Variants in ATP9B observed in about 807,000 individuals in gnomAD.
ATP9B encodes ATPase phospholipid transporting 9B, also known as probable phospholipid-transporting ATPase IIB.
In ATP9B, 110 loss-of-function variants were observed where a neutral mutation model predicts 146.1. The observed-to-expected ratio is 0.75, with a 90% CI of 0.65 to 0.88. The LOEUF (loss-of-function observed/expected upper bound fraction) is 0.88, where lower values mean the gene tolerates loss of function less well. Ranked by LOEUF, ATP9B falls within the 40% of genes least tolerant of loss-of-function variation. The pLI, the probability that ATP9B is intolerant of heterozygous loss-of-function variation, is 0.00. For synonymous variants in ATP9B, 604 were observed against 569.7 expected, an observed-to-expected ratio of 1.06 and a Z score of -0.86; for missense variants, 1,499 against 1,496.4, an observed-to-expected ratio of 1.00 and a Z score of -0.03.
chr18:79,070,192 AAAG>A (rs1225395496), intron 1 of ATP9B, among the ~76,000 whole-genome samples: 5 of 152,242 alleles, frequency 3.3e-5, no homozygotes, highest in African/African-American at 9.6e-5. Context: ...CATTCAAAGA[AAAG>A]AAAATTTTAA....
At chr18:79,333,050 G>C (rs1457886529) in intron 17 of ATP9B, 1 of 152,262 alleles carries the variant, frequency 6.6e-6, no homozygotes, top group East Asian at 1.9e-4. Context: ...TTGATCAGCA[G>C]ATACAGTACA....
At chr18:79,351,471 A>G (rs1392052575) in intron 25 of ATP9B, among the ~76,000 whole-genome samples, 1 of 152,246 alleles carries the variant, frequency 6.6e-6, no homozygotes, top group Non-Finnish European at 1.5e-5. Flanking sequence ...GCCTTTAGTT[A>G]AGCTTCTTTG....
At chr18:79,124,185 C>T (rs572416) in intron 4 of ATP9B, among the ~76,000 whole-genome samples, 9,526 of 152,084 alleles carry the variant, frequency 0.063, 374 homozygotes, top group Non-Finnish European at 0.092. Context: ...TGAGTCATTG[C>T]CAGGGCCTAG....
At chr18:79,159,775 C>T (rs2094850349) in intron 7 of ATP9B, among the ~76,000 whole-genome samples, 1 of 152,152 alleles carries the variant, frequency 6.6e-6, no homozygotes, top group African/African-American at 2.4e-5. Context: ...AGATGTTTTT[C>T]GTCATGACCT....
chr18:79,313,818 A>G (rs2096665383), intron 15 of ATP9B, among the ~76,000 whole-genome samples: 1 of 152,236 alleles, frequency 6.6e-6, no homozygotes, highest in African/African-American at 2.4e-5. Flanking sequence ...ATGATAAAAA[A>G]TAGCAGAACA....
intron 25 of ATP9B, chr18:79,352,339 G>T (rs865786581): frequency 5.3e-5 from 8 of 152,212 alleles, no homozygotes; most frequent in South Asian, 2.1e-4. Context: ...GCACAGGCAG[G>T]TCCCTCGGGG....
At chr18:79,073,553 G>A (rs2072225085) in intron 1 of ATP9B, among the ~76,000 whole-genome samples, 1 of 152,230 alleles carries the variant, frequency 6.6e-6, no homozygotes, top group Admixed American at 6.5e-5. Context: ...AGGCAGGGAG[G>A]TTGCAGTGAG....
At chr18:79,336,881 A>G (rs1438990328) in intron 18 of ATP9B, among the ~76,000 whole-genome samples, 170 bp downstream of exon 18, 4 of 152,184 alleles carry the variant, frequency 2.6e-5, no homozygotes, top group Admixed American at 6.5e-5. Context: ...TTCTGTTTCC[A>G]CCATTTCTCC....
chr18:79,154,337 G>A (rs1039929771), intron 6 of ATP9B, among the ~76,000 whole-genome samples, 167 bp from the exon 7 acceptor site: 1 of 152,038 alleles, frequency 6.6e-6, no homozygotes, highest in Non-Finnish European at 1.5e-5. Context: ...CAATTAAAAT[G>A]TGAATTAAAA....
chr18:79,243,297 A>G (rs921339129), intron 11 of ATP9B, among the ~76,000 whole-genome samples: 1 of 152,226 alleles, frequency 6.6e-6, no homozygotes, highest in African/African-American at 2.4e-5. Flanking sequence ...TAATATAATT[A>G]TAAATAGGTG....
rs71161762 is a variant in ATP9B at position 79,206,623 on chromosome 18, C to CATAAATAAATAA, written c.955-286_955-275dup. Reference sequence around the variant, plus strand: ...CAGCCTGGGCAGCATAATAACACCTCATAAATAAATAAATAAATAAATAAA... The same window carrying CATAAATAAATAA: ...CAGCCTGGGCAGCATAATAACACCTCATAAATAAATAAATAAATAAATAAATAAATAAATAAA... On this transcript the variant is annotated intron_variant, in intron 9 of 29. Coordinates refer to ENST00000426216, the MANE Select transcript of ATP9B (RefSeq NM_198531.5). 3.1e-3 allele frequency among the ~76,000 whole-genome samples: 459 copies of CATAAATAAATAA among 147,090 alleles called. 2 individuals are homozygous for CATAAATAAATAA. Among genetic ancestry groups the CATAAATAAATAA allele is most frequent in the African/African-American group, 6.1e-3 (240 of 39,508 alleles).
intron 13 of ATP9B, among the ~76,000 whole-genome samples, chr18:79,283,423 G>T (rs7238813): frequency 0.93 from 142,338 of 152,284 alleles, 66,619 homozygotes; most frequent in East Asian, 1. Context: ...GTCCTTCGCA[G>T]GAGTGTAAAT....
At chr18:79,325,985 G>T (rs2096742789) in intron 15 of ATP9B, among the ~76,000 whole-genome samples, 1 of 133,334 alleles carries the variant, frequency 7.5e-6, no homozygotes, top group South Asian at 2.5e-4. Context: ...CTCACATGGT[G>T]TTAGGGTGTC....
intron 25 of ATP9B, among the ~76,000 whole-genome samples, chr18:79,351,270 G>A (rs1408967922): frequency 6.6e-6 from 1 of 152,216 alleles, no homozygotes; most frequent in African/African-American, 2.4e-5. Flanking sequence ...CTACTGCTTG[G>A]GTTAGTGAGG....
intron 12 of ATP9B, among the ~76,000 whole-genome samples, chr18:79,270,782 A>G (rs914093001): frequency 9.2e-5 from 14 of 152,094 alleles, no homozygotes; most frequent in African/African-American, 2.9e-4. Context: ...AGTACTTTTC[A>G]AACAGTGTTC....
At chr18:79,262,183 T>C (rs561575679) in intron 12 of ATP9B, among the ~76,000 whole-genome samples, 1 of 145,706 alleles carries the variant, frequency 6.9e-6, no homozygotes, top group East Asian at 2.2e-4. Flanking sequence ...GAAACTTTAA[T>C]TCCTCCTCCT....
intron 19 of ATP9B, among the ~76,000 whole-genome samples, chr18:79,341,720 C>T (rs1024516654): frequency 6.8e-6 from 1 of 147,888 alleles, no homozygotes; most frequent in Non-Finnish European, 1.5e-5. Context: ...GTTGCCGACA[C>T]ACCATTTAGT....
chr18:79,176,781 A>G (rs573471050), intron 7 of ATP9B, 32 bp from the exon 8 acceptor site: 16 of 1,585,048 alleles, frequency 1.0e-5, no homozygotes, highest in Non-Finnish European at 1.4e-5. Context: ...TAACAATTCA[A>G]GAGTGGTAAA....
chr18:79,200,149 A>G (rs2095454824), intron 9 of ATP9B, among the ~76,000 whole-genome samples: 1 of 152,222 alleles, frequency 6.6e-6, no homozygotes, highest in South Asian at 2.1e-4. Context: ...CGTCACCACA[A>G]ACACGTGAGT....
Sources: gnomAD v4.1 joint callset for allele counts (sites outside exome capture counted in the v4.1 genomes callset) on GRCh38, gnomAD v4.1.1 for gene constraint, MANE v1.5 for transcripts, NCBI Gene and HGNC (gene_info 2026-07-23, HGNC 2026-07-21) for gene names.